Variants in MYH3 observed in about 807,000 individuals in gnomAD.
MYH3 encodes myosin heavy chain 3.
In MYH3, 130 loss-of-function variants were observed where a neutral mutation model predicts 238.0. That is an observed-to-expected ratio of 0.55 (90% confidence interval 0.47 to 0.63). MYH3 has a LOEUF of 0.63. Among genes scored for constraint, MYH3 ranks in the 30% least tolerant of loss-of-function variants. The probability of loss-of-function intolerance (pLI) is 0.00; values close to 1 mark genes in which losing one functional copy is unlikely to be tolerated. For missense variants in MYH3, 1,853 were observed against 2,374.9 expected (o/e 0.78, Z 4.57); for synonymous variants, 880 against 924.1 (o/e 0.95, Z 0.86).
chr17:10,665,484 G>A, the MYH3 span, among the ~76,000 whole-genome samples: 2 of 152,056 alleles, frequency 1.3e-5, no homozygotes, highest in Non-Finnish European at 1.5e-5. Context: ...TTAAAGCAGC[G>A]ATTTCAAACC....
rs753287976 is a variant in MYH3, at chr17:10,630,098, C to T, written c.5556G>A (p.Thr1852=). The T allele has an allele frequency of 3.7e-6, 6 of 1,613,988 alleles. No individual in the cohort carries two copies. Among genetic ancestry groups the T allele is most frequent in the East Asian group, 2.2e-5 (1 of 44,880 alleles). The change falls in exon 38 of 41, where the codon ACG becomes ACA. Residue 1852 remains threonine (T), a synonymous_variant. Transcript: ENST00000583535. ...RKYERRVKEL[T]YQSEEDRKNV... ...GCGTTTGCGTTCCACTTACCTGGTA[C>T]GTCAGCTCCTTGACCCTCCGCTCAT...
chr17:10,638,736 C>T (rs959054115), intron 26 of MYH3, 137 bp downstream of exon 26: 17 of 889,154 alleles, frequency 1.9e-5, no homozygotes, highest in Non-Finnish European at 2.8e-5. Flanking sequence ...CATGGCCAGG[C>T]CAGCCTAGCA....
At chr17:10,638,747 G>A in intron 26 of MYH3, 126 bp downstream of exon 26, 1 of 973,316 alleles carries the variant, frequency 1.0e-6, no homozygotes, top group South Asian at 1.4e-5. Flanking sequence ...CAGCCTAGCA[G>A]AAAGGGAACC....
chr17:10,670,168 C>T, the MYH3 span, among the ~76,000 whole-genome samples: 1 of 152,144 alleles, frequency 6.6e-6, no homozygotes, highest in African/African-American at 2.4e-5. The surrounding 1 kb of genome is among the most constrained non-coding windows in gnomAD (Gnocchi z 7.0). Context: ...TGCCTCTCTC[C>T]AACCAAAAGC....
At chr17:10,637,096 G>A (rs192217486) in intron 28 of MYH3, among the ~76,000 whole-genome samples, 157 of 146,510 alleles carry the variant, frequency 1.1e-3, no homozygotes, top group African/African-American at 3.8e-3. Flanking sequence ...TTTCATTCTT[G>A]TTGCCCAGGC....
chr17:10,630,317 TC>T lies in MYH3; in HGVS notation c.5427del (p.Lys1810ArgfsTer32). The T allele has an allele frequency of 6.2e-7, 1 of 1,614,180 alleles. No individual in the cohort carries two copies. The highest frequency in any genetic ancestry group is 1.1e-5 in the South Asian group (1 of 91,080). The stretch of plus-strand genomic sequence containing the variant: ...GTCTCCAGTTTCTGGATCTGCTTCT[TC>T]CCGCCCTTCAGCGCCAGCTGCTCGG... The part of the protein sequence containing the change: ...DEAEQLALKG[G>X]KKQIQKLETR... On this transcript the variant is annotated frameshift_variant, in exon 37 of 41. Transcript: ENST00000583535. LOFTEE classifies it high-confidence loss of function.
intron 5 of MYH3, 112 bp from the exon 6 acceptor site, chr17:10,650,513 T>A: frequency 6.0e-6 from 6 of 1,008,002 alleles, no homozygotes; most frequent in Non-Finnish European, 9.2e-6. Context: ...TTCCTTTACA[T>A]TTTTTGTTTA....
intron 33 of MYH3, 98 bp downstream of exon 33, chr17:10,633,493 C>G: frequency 6.4e-7 from 1 of 1,552,140 alleles, no homozygotes; most frequent in Non-Finnish European, 8.8e-7. Flanking sequence ...TGTGATTTGA[C>G]AAAGGCAAAA....
At chr17:10,632,382 G>C in intron 34 of MYH3, 94 bp downstream of exon 34, 6 of 1,406,784 alleles carry the variant, frequency 4.3e-6, no homozygotes, top group Non-Finnish European at 6.0e-6. Flanking sequence ...GTCTCCCAGA[G>C]CGCTGGGACT....
chr17:10,629,636 G>T lies in MYH3; in HGVS notation c.5757C>A (p.Asn1919Lys). 5 of 1,614,114 alleles carry T rather than the reference G, an allele frequency of 3.1e-6. No individual in the cohort carries two copies. Among genetic ancestry groups the T allele is most frequent in the Non-Finnish European group, 4.2e-6 (5 of 1,180,052 alleles). ...ERADIAESQV[N>K]KLRAKTRDFT... is the part of the protein sequence containing the mutation. ...AGTCTCGAGTCTTAGCGCGGAGCTT[G>T]TTGACTTGAGATTCTGCGATATCCG... The change falls in exon 40 of 41, where the codon AAC (asparagine) becomes AAA (lysine). Residue 1919 changes from asparagine (N) to lysine (K), a missense_variant. Asn to Lys is a moderately conservative substitution (Grantham distance 94). Transcript: ENST00000583535.
At position 10,633,507 on chromosome 17, in the gene MYH3, G is replaced by A. The variant is rs73976872; in HGVS notation, c.4647+84C>T. The A allele has an allele frequency of 3.9e-3, 6,244 of 1,583,938 alleles. 174 individuals are homozygous for A. In the African/African-American group the frequency reaches 0.069, roughly 17 times the overall value. On this transcript the variant is annotated intron_variant, in intron 33 of 40. Coordinates refer to ENST00000583535, the MANE Select transcript of MYH3 (RefSeq NM_002470.4). ...CTGTGATTTGACAAAGGCAAAAATG[G>A]AGACACAGCATGGAGCAGCCAGCCT...
Position 10,632,697 on chromosome 17 carries a change from C to T in MYH3, c.4735G>A (p.Glu1579Lys), listed in dbSNP as rs761915543. 8.7e-6 allele frequency: 14 copies of T among 1,614,142 alleles called. No individual in the cohort carries two copies. Among genetic ancestry groups the T allele is most frequent in the Non-Finnish European group, 8.5e-6 (10 of 1,180,016 alleles). ...VKSEIDRKIAEKDEEIEQLKR... is the reference protein window; with the variant it reads ...VKSEIDRKIAKKDEEIEQLKR... ...AGCTGCTCGATCTCTTCATCCTTCTCGGCGATCTTTCTATCAATTTCTGAT... is the reference window on the plus strand; with the variant it reads ...AGCTGCTCGATCTCTTCATCCTTCTTGGCGATCTTTCTATCAATTTCTGAT... Residue 1579 changes from glutamate (E) to lysine (K), a missense_variant, in exon 34 of 41, where the codon GAG becomes AAG. Physicochemically the swap from Glu to Lys is moderately conservative, Grantham distance 56. Coordinates refer to ENST00000583535, the MANE Select transcript of MYH3 (RefSeq NM_002470.4).
In MYH3 at chr17:10,654,798, AC is replaced by A; in HGVS notation, c.204+62del. On this transcript the variant is annotated intron_variant, in intron 3 of 40. Transcript: ENST00000583535. The surrounding 1 kb of genome is among the most constrained non-coding windows in gnomAD (Gnocchi z 4.5). ...AGTGGCTGGGGTTGGGCAGATGCAT[AC>A]CCCAGGCAAGCACAAGGACCAGGTG... is the stretch of plus-strand genomic sequence containing the variant. 6.6e-7 allele frequency: 1 copy of A among 1,505,770 alleles called. No individual in the cohort carries two copies. Among genetic ancestry groups the A allele is most frequent in the Non-Finnish European group, 9.2e-7 (1 of 1,081,172 alleles). 93.3% of individuals were successfully genotyped at this position (1,505,770 alleles called of 1,614,324 possible). A position where few individuals can be genotyped will look rare whatever the true frequency, so the allele number is the denominator to read the frequency against.
Position 10,631,714 on chromosome 17 carries a change from T to C in MYH3, c.5183A>G (p.Lys1728Arg), listed in dbSNP as rs2074159966. 1 of 1,614,076 alleles carries C rather than the reference T, an allele frequency of 6.2e-7. No individual in the cohort carries two copies. Among genetic ancestry groups the C allele is most frequent in the Non-Finnish European group, 8.5e-7 (1 of 1,180,040 alleles). Residue 1728 changes from lysine to arginine, a missense_variant, in exon 36 of 41, where the codon AAG becomes AGG. Around this residue, in one of 3 missense-constraint regions of MYH3, gnomAD observed 1,044 missense variants for 1,192.6 expected, o/e 0.88. Transcript: ENST00000583535. Reference protein sequence around the residue: ...HTQNTSLIHTKKKLETDLMQL... With the variant: ...HTQNTSLIHTRKKLETDLMQL... Reference sequence around the variant, plus strand: ...CATGAGGTCTGTCTCCAGCTTCTTCTTGGTGTGGATGAGGCTGGTGTTCTA... The same window carrying C: ...CATGAGGTCTGTCTCCAGCTTCTTCCTGGTGTGGATGAGGCTGGTGTTCTA...
chr17:10,633,741 A>G lies in MYH3; in HGVS notation c.4523-26T>C, dbSNP rs778143713. 2.1e-5 allele frequency: 34 copies of G among 1,613,464 alleles called. No homozygotes were observed. The South Asian group carries it at 3.6e-4, about 17-fold the overall frequency. ...CTGTAAAGAAGTAAGTTTCAGTTGC[A>G]TATGAGCGCCTCTGCGTGGGTTTCC... is the stretch of plus-strand genomic sequence containing the variant. On this transcript the variant is annotated intron_variant, in intron 32 of 40. Transcript: ENST00000583535.
At position 10,631,678 on chromosome 17, in the gene MYH3, C is replaced by G. The variant is rs1211077383; in HGVS notation, c.5219G>C (p.Ser1740Thr). Reference protein sequence around the residue: ...KLETDLMQLQSEVEDASRDAR... With the variant: ...KLETDLMQLQTEVEDASRDAR... Reference sequence around the variant, plus strand: ...ATCCCTGCTGGCATCTTCTACCTCACTCTGGAGCTGCATGAGGTCTGTCTC... The same window carrying G: ...ATCCCTGCTGGCATCTTCTACCTCAGTCTGGAGCTGCATGAGGTCTGTCTC... The change falls in exon 36 of 41, where the codon AGT (serine) becomes ACT (threonine). Residue 1740 changes from serine to threonine, a missense_variant. Coordinates refer to ENST00000583535, the MANE Select transcript of MYH3 (RefSeq NM_002470.4). The G allele has an allele frequency of 2.5e-6, 4 of 1,614,058 alleles. No homozygotes were observed. Among genetic ancestry groups the G allele is most frequent in the African/African-American group, 1.3e-5 (1 of 74,928 alleles).
At chr17:10,650,505 CCTTTA>C (rs2074364573) in intron 5 of MYH3, 104 bp from the exon 6 acceptor site, 14 of 1,063,588 alleles carry the variant, frequency 1.3e-5, no homozygotes, top group Non-Finnish European at 1.9e-5. Flanking sequence ...AATTCCTCTT[CCTTTA>C]CATTTTTTGT....
At chr17:10,636,433 G>C (rs1293948591) in intron 28 of MYH3, among the ~76,000 whole-genome samples, 1 of 152,098 alleles carries the variant, frequency 6.6e-6, no homozygotes, top group Non-Finnish European at 1.5e-5. Context: ...CTCCCCAGTG[G>C]CAGGTGTTTC....
the MYH3 span, chr17:10,675,203 A>G: frequency 2.0e-5 from 3 of 151,778 alleles, no homozygotes; most frequent in Non-Finnish European, 4.4e-5. Flanking sequence ...AAGTGTGGCT[A>G]CTCTGCTCTG....
Sources: gnomAD v4.1 joint callset for allele counts (sites outside exome capture counted in the v4.1 genomes callset) on GRCh38, gnomAD v4.1.1 for gene constraint, gnomAD v4.1.1 regional missense constraint, Gnocchi (gnomAD v3.1) non-coding constraint, MANE v1.5 for transcripts, NCBI Gene and HGNC (gene_info 2026-07-23, HGNC 2026-07-21) for gene names.